Variants in TENM2 observed in about 807,000 individuals in gnomAD.
The protein encoded by TENM2 is teneurin transmembrane protein 2, also known as teneurin-2.
Under a neutral mutation model 245.2 loss-of-function variants are expected in TENM2, and 52 were observed. The ratio of observed to expected loss-of-function variants is 0.21; its 90% confidence interval spans 0.17 to 0.27. The LOEUF is 0.27. Among genes scored for constraint, TENM2 ranks in the 10% least tolerant of loss-of-function variants. The pLI is 1.00. For missense variants in TENM2, 3,046 were observed against 3,666.8 expected (o/e 0.83, Z 4.37); for synonymous variants, 1,363 against 1,438.9 (o/e 0.95, Z 1.19).
chr5:167,440,383 T>G (rs1402950947), intron 2 of TENM2, among the ~76,000 whole-genome samples: 1 of 152,180 alleles, frequency 6.6e-6, no homozygotes, highest in African/African-American at 2.4e-5. Context: ...CTTCAGCCCA[T>G]TGGAAATGGC....
At chr5:168,050,541 T>C (rs1788989015) in intron 6 of TENM2, among the ~76,000 whole-genome samples, 1 of 152,182 alleles carries the variant, frequency 6.6e-6, no homozygotes, top group Non-Finnish European at 1.5e-5. Context: ...ACACCACACA[T>C]TGCCAAGGAG....
At chr5:168,203,625 C>G (rs1762108689) in intron 17 of TENM2, 64 bp from the exon 20 acceptor site, 1 of 1,481,030 alleles carries the variant, frequency 6.8e-7, no homozygotes, top group Non-Finnish European at 9.2e-7. Context: ...TGCTACAGAG[C>G]TCTGGAGTAA....
intron 2 of TENM2, among the ~76,000 whole-genome samples, chr5:167,446,816 C>CACACAT (rs1449452194): frequency 1.3e-5 from 2 of 151,622 alleles, no homozygotes; most frequent in African/African-American, 2.4e-5. Flanking sequence ...CACACACACA[C>CACACAT]ACACACACAC....
At chr5:167,129,386 T>C in the TENM2 span, among the ~76,000 whole-genome samples, 3 of 152,108 alleles carry the variant, frequency 2.0e-5, no homozygotes, top group Admixed American at 6.6e-5. Context: ...GGCAGTGCAA[T>C]TAGAGAGCGG....
chr5:167,351,165 G>A (rs1475299998), intron 1 of TENM2, among the ~76,000 whole-genome samples: 5 of 145,946 alleles, frequency 3.4e-5, no homozygotes, highest in African/African-American at 1.2e-4. Flanking sequence ...ATATATATAT[G>A]GGATATATAC....
chr5:167,478,657 G>A (rs1767554135), intron 2 of TENM2, among the ~76,000 whole-genome samples: 1 of 152,134 alleles, frequency 6.6e-6, no homozygotes, highest in Non-Finnish European at 1.5e-5. Context: ...TGAGAAGCTG[G>A]CATGGCCACT....
chr5:168,080,281 C>T (rs1331176186), intron 7 of TENM2, among the ~76,000 whole-genome samples: 1 of 152,146 alleles, frequency 6.6e-6, no homozygotes, highest in Non-Finnish European at 1.5e-5. Flanking sequence ...GTGATATCCC[C>T]TTTATCATTT....
the TENM2 span, among the ~76,000 whole-genome samples, chr5:167,051,433 GA>G: frequency 2.0e-5 from 3 of 149,520 alleles, no homozygotes; most frequent in East Asian, 2.0e-4. Context: ...TGAATTGGGA[GA>G]AAAAAAAAAG....
intron 1 of TENM2, among the ~76,000 whole-genome samples, chr5:167,295,905 G>A (rs1360131053): frequency 2.0e-5 from 3 of 152,040 alleles, no homozygotes; most frequent in Non-Finnish European, 4.4e-5. Context: ...TCTCTGCTGG[G>A]AATGATCAGA....
intron 5 of TENM2, among the ~76,000 whole-genome samples, chr5:167,994,498 C>T (rs905333458): frequency 2.6e-5 from 4 of 152,228 alleles, no homozygotes; most frequent in Non-Finnish European, 5.9e-5. Flanking sequence ...TGACTGTGCA[C>T]CCCCACAGAT....
chr5:167,092,245 G>A, the TENM2 span, among the ~76,000 whole-genome samples: 22 of 152,214 alleles, frequency 1.4e-4, no homozygotes, highest in Admixed American at 3.9e-4. Flanking sequence ...GTCCATAAAT[G>A]AGGTTTTATG....
intron 2 of TENM2, among the ~76,000 whole-genome samples, chr5:167,496,074 A>G (rs985757422): frequency 2.0e-4 from 31 of 152,232 alleles, no homozygotes; most frequent in Admixed American, 1.6e-3. Context: ...CTCTAAATCA[A>G]TTGGAATAGA....
At chr5:167,607,043 T>A (rs997407507) in intron 2 of TENM2, among the ~76,000 whole-genome samples, 35 of 152,054 alleles carry the variant, frequency 2.3e-4, no homozygotes, top group African/African-American at 7.7e-4. Context: ...AGGGCATAGC[T>A]TAAGGGTCAC....
chr5:167,212,006 C>T, the TENM2 span, among the ~76,000 whole-genome samples: 37 of 152,200 alleles, frequency 2.4e-4, no homozygotes, highest in African/African-American at 8.9e-4. Flanking sequence ...AGTCCTTGAC[C>T]TCTAAATTAA....
chr5:167,495,311 C>T (rs1451133266), intron 2 of TENM2, among the ~76,000 whole-genome samples: 1 of 150,822 alleles, frequency 6.6e-6, no homozygotes, highest in African/African-American at 2.4e-5. Context: ...ACAAATTTGG[C>T]AACAGCAAAA....
At chr5:167,062,618 A>G in the TENM2 span, among the ~76,000 whole-genome samples, 4 of 152,202 alleles carry the variant, frequency 2.6e-5, no homozygotes, top group Non-Finnish European at 4.4e-5. Context: ...TACCTACTTC[A>G]TGCCAGGTGT....
intron 1 of TENM2, among the ~76,000 whole-genome samples, chr5:167,301,879 G>A (rs897445086): frequency 1.3e-5 from 2 of 152,140 alleles, no homozygotes; most frequent in Non-Finnish European, 2.9e-5. Context: ...AAGCCGGACC[G>A]GGTGTGAGGA....
intron 2 of TENM2, among the ~76,000 whole-genome samples, chr5:167,545,401 C>G (rs1473640457): frequency 1.3e-5 from 2 of 152,114 alleles, no homozygotes; most frequent in Non-Finnish European, 2.9e-5. Flanking sequence ...ACAGATCAGT[C>G]AAAGATCCTC....
the TENM2 span, among the ~76,000 whole-genome samples, chr5:167,038,051 A>T: frequency 6.6e-6 from 1 of 152,246 alleles, no homozygotes; most frequent in Non-Finnish European, 1.5e-5. Context: ...AAGGCAGAAC[A>T]GGTACAGGAG....
Sources: allele counts gnomAD v4.1 joint callset (sites outside exome capture counted in the v4.1 genomes callset), GRCh38; gene constraint gnomAD v4.1.1; transcripts MANE v1.5; gene names NCBI Gene and HGNC (gene_info 2026-07-23, HGNC 2026-07-21).